Variants in ANKRD30B observed in about 807,000 individuals in gnomAD.
The protein encoded by ANKRD30B is ankyrin repeat domain-containing protein 30B.
ANKRD30B carries 144 observed loss-of-function variants against 202.2 expected under a neutral mutation model. The observed-to-expected ratio is 0.71, with a 90% CI of 0.62 to 0.82. ANKRD30B has a LOEUF of 0.82. Ranked by LOEUF, ANKRD30B falls within the 40% of genes least tolerant of loss-of-function variation. The pLI is 0.00. For synonymous variants in ANKRD30B, 508 were observed against 561.3 expected, an observed-to-expected ratio of 0.91 and a Z score of 1.34; for missense variants, 1,487 against 1,669.1, an observed-to-expected ratio of 0.89 and a Z score of 1.90.
At chr18:14,758,468 CT>C (rs1249608466) in intron 5 of ANKRD30B, among the ~76,000 whole-genome samples, 2 of 152,130 alleles carry the variant, frequency 1.3e-5, no homozygotes, top group African/African-American at 4.8e-5. Flanking sequence ...AATGATTGAC[CT>C]TTGTGACCAG....
intron 24 of ANKRD30B, among the ~76,000 whole-genome samples, chr18:14,807,723 G>T (rs1166428375): frequency 6.7e-6 from 1 of 149,958 alleles, no homozygotes; most frequent in African/African-American, 2.5e-5. Context: ...GTGGAGACAG[G>T]GTTTCGCTAT....
chr18:14,846,214 G>A (rs1406084681), intron 39 of ANKRD30B, among the ~76,000 whole-genome samples: 1 of 152,004 alleles, frequency 6.6e-6, no homozygotes, highest in East Asian at 1.9e-4. Context: ...GTTTTCATTT[G>A]AAGTTAGTTC....
the ANKRD30B span, among the ~76,000 whole-genome samples, chr18:14,925,331 A>G: frequency 6.6e-6 from 1 of 152,152 alleles, no homozygotes; most frequent in Non-Finnish European, 1.5e-5. Context: ...TGTGGGGACC[A>G]GGGGCCCTGG....
At chr18:14,841,167 T>G (rs1971403712) in intron 37 of ANKRD30B, among the ~76,000 whole-genome samples, 1 of 152,192 alleles carries the variant, frequency 6.6e-6, no homozygotes, top group Non-Finnish European at 1.5e-5. Flanking sequence ...CACCTGACCA[T>G]GGAGAGTTGT....
intron 7 of ANKRD30B, among the ~76,000 whole-genome samples, chr18:14,764,438 G>A (rs904711366): frequency 3.2e-4 from 48 of 152,166 alleles, no homozygotes; most frequent in African/African-American, 1.1e-3. Context: ...TGCCTGGGCT[G>A]GAGTGCAATG....
the ANKRD30B span, among the ~76,000 whole-genome samples, chr18:14,892,568 G>A: frequency 5.3e-5 from 8 of 151,762 alleles, no homozygotes; most frequent in South Asian, 4.2e-4. Context: ...GCGAAACCCC[G>A]TTTCTACTAA....
chr18:14,886,700 T>C, the ANKRD30B span, among the ~76,000 whole-genome samples: 1 of 152,104 alleles, frequency 6.6e-6, no homozygotes, highest in African/African-American at 2.4e-5. Context: ...AAACATTCAA[T>C]GAATTCACAC....
chr18:14,854,933 A>G (rs1225622244), downstream of ANKRD30B, among the ~76,000 whole-genome samples: 1 of 150,198 alleles, frequency 6.7e-6, no homozygotes, highest in East Asian at 2.0e-4. Flanking sequence ...TTTATTGATC[A>G]TTCTTGGGTG....
the ANKRD30B span, among the ~76,000 whole-genome samples, chr18:14,880,105 C>A: frequency 0.31 from 44,409 of 142,520 alleles, 1,984 homozygotes; most frequent in East Asian, 0.45. Flanking sequence ...ATGTGGCTCG[C>A]CAATTATCCC....
chr18:14,808,888 T>A (rs759636697), intron 26 of ANKRD30B, 144 bp downstream of exon 26: 5 of 757,530 alleles, frequency 6.6e-6, no homozygotes, highest in Non-Finnish European at 8.2e-6. Flanking sequence ...TTAGTATTTA[T>A]GTTTGAGAAA....
At chr18:14,784,090 A>T (rs1190389714) in intron 12 of ANKRD30B, among the ~76,000 whole-genome samples, 1 of 152,122 alleles carries the variant, frequency 6.6e-6, no homozygotes, top group Non-Finnish European at 1.5e-5. Flanking sequence ...AACCCTTTTT[A>T]CACGTGAAAC....
At chr18:14,800,514 C>T (rs1969243845) in intron 22 of ANKRD30B, among the ~76,000 whole-genome samples, 1 of 151,056 alleles carries the variant, frequency 6.6e-6, no homozygotes, top group Non-Finnish European at 1.5e-5. Flanking sequence ...TTAGTAGAAA[C>T]GGGGTTTCAC....
At position 14,810,462 on chromosome 18, in the gene ANKRD30B, G is replaced by A. The variant is rs563662337; in HGVS notation, c.2488+282G>A. Among the ~76,000 whole-genome samples, 265 of 151,166 alleles carry A rather than the reference G, an allele frequency of 1.8e-3. 12 individuals are homozygous for A. Among genetic ancestry groups the A allele is most frequent in the Non-Finnish European group, 2.3e-3 (153 of 67,804 alleles). ...AATTTCTGTACGTGCTCAGTTTTAC[G>A]GCAGGTGAATTTTGAAACTGTGAAA... On this transcript the variant is annotated intron_variant, in intron 28 of 43. Transcript: ENST00000690538.
rs1259247657 is a variant in ANKRD30B at position 14,763,757 on chromosome 18, T to C, written c.892T>C (p.Leu298=). Residue 298 remains leucine (L), a synonymous_variant, in exon 7 of 44, where the codon TTG becomes CTG. Transcript: ENST00000690538. The part of the protein sequence containing the change: ...AERTPDTAES[L]LEKTPDEAAR... Reference sequence around the variant, plus strand: ...AAGAACACCTGACACGGCTGAAAGCTTGCTGGAAAAAACACCTGACGAGGC... The same window carrying C: ...AAGAACACCTGACACGGCTGAAAGCCTGCTGGAAAAAACACCTGACGAGGC... 1.9e-6 allele frequency: 3 copies of C among 1,613,874 alleles called. No individual in the cohort carries two copies. In the African/African-American group the frequency reaches 4.0e-5, roughly 22 times the overall value.
At chr18:14,780,368 C>G (rs1967644646) in intron 11 of ANKRD30B, among the ~76,000 whole-genome samples, 1 of 151,894 alleles carries the variant, frequency 6.6e-6, no homozygotes, top group Admixed American at 6.6e-5. Flanking sequence ...TCACTTGAAC[C>G]TGGGAGGAGG....
the ANKRD30B span, among the ~76,000 whole-genome samples, chr18:14,876,494 G>A: frequency 6.6e-6 from 1 of 152,172 alleles, no homozygotes; most frequent in East Asian, 1.9e-4. Context: ...TTAGGATTCT[G>A]CTCCTGATCT....
rs956437016 is a variant in ANKRD30B, at chr18:14,807,116, A to C, written c.2285-1435A>C. Reference sequence around the variant, plus strand: ...TGTTTTAGAGAGTTTATGTCCCCTGAAGTGTCTTCATTACTGATCAATCAA... The same window carrying C: ...TGTTTTAGAGAGTTTATGTCCCCTGCAGTGTCTTCATTACTGATCAATCAA... On this transcript the variant is annotated intron_variant, in intron 24 of 43. Coordinates refer to ENST00000690538, the MANE Select transcript of ANKRD30B (RefSeq NM_001367607.2). Among the ~76,000 whole-genome samples the C allele has an allele frequency of 4.6e-5, 7 of 151,020 alleles. 1 individual carries two copies. The highest frequency in any genetic ancestry group is 5.9e-5 in the Non-Finnish European group (4 of 67,788).
At chr18:14,783,848 A>G (rs1194089853) in intron 12 of ANKRD30B, among the ~76,000 whole-genome samples, 1 of 152,110 alleles carries the variant, frequency 6.6e-6, no homozygotes, top group East Asian at 1.9e-4. Context: ...GTGAATATTT[A>G]TATTTAGTAT....
At chr18:14,828,770 G>T (rs1284815245) in intron 33 of ANKRD30B, among the ~76,000 whole-genome samples, 1 of 152,164 alleles carries the variant, frequency 6.6e-6, no homozygotes, top group African/African-American at 2.4e-5. Flanking sequence ...ATGTTTAACC[G>T]TTAAAGTGGT....
Sources: allele counts gnomAD v4.1 joint callset (sites outside exome capture counted in the v4.1 genomes callset), GRCh38; gene constraint gnomAD v4.1.1; transcripts MANE v1.5; gene names NCBI Gene and HGNC (gene_info 2026-07-23, HGNC 2026-07-21).